Variants in ABCC5 observed in about 807,000 individuals in gnomAD.
The protein encoded by ABCC5 is ATP binding cassette subfamily C member 5.
Under a neutral mutation model 160.9 loss-of-function variants are expected in ABCC5, and 61 were observed. The ratio of observed to expected loss-of-function variants is 0.38; its 90% CI spans 0.31 to 0.47. The LOEUF is 0.47. Ranked by LOEUF, ABCC5 falls within the 20% of genes least tolerant of loss-of-function variation. The pLI is 0.99. For missense variants in ABCC5, 1,308 were observed against 1,813.3 expected (o/e 0.72, Z 5.06); for synonymous variants, 666 against 700.6 (o/e 0.95, Z 0.78).
intron 17 of ABCC5, among the ~76,000 whole-genome samples, chr3:183,956,429 C>A (rs1715972500): frequency 6.6e-6 from 1 of 151,516 alleles, no homozygotes; most frequent in Non-Finnish European, 1.5e-5. Context: ...ATATCGGTTA[C>A]ATGCAGATCC....
chr3:183,992,425 T>G (rs182521798), intron 2 of ABCC5, among the ~76,000 whole-genome samples: 1 of 152,282 alleles, frequency 6.6e-6, no homozygotes, highest in Non-Finnish European at 1.5e-5. Flanking sequence ...CAGAACATAT[T>G]CTGTGCTAAA....
intron 17 of ABCC5, among the ~76,000 whole-genome samples, chr3:183,957,110 C>A (rs1272348275): frequency 9.3e-6 from 1 of 107,104 alleles, no homozygotes; most frequent in Non-Finnish European, 2.0e-5. Context: ...ACATGCGGGT[C>A]CGTGTGTACA....
At chr3:183,969,202 G>A (rs920006677) in intron 11 of ABCC5, among the ~76,000 whole-genome samples, 47 of 152,186 alleles carry the variant, frequency 3.1e-4, no homozygotes, top group African/African-American at 1.1e-3. Flanking sequence ...GGAGAATTAA[G>A]GCATCTCTCT....
chr3:183,938,780 G>C, intron 25 of ABCC5, among the ~76,000 whole-genome samples: 1 of 152,218 alleles, frequency 6.6e-6, no homozygotes, highest in African/African-American at 2.4e-5. Context: ...AGGGCTGAGA[G>C]AGAGACTAAG....
intron 18 of ABCC5, among the ~76,000 whole-genome samples, chr3:183,952,438 C>T (rs1715461070): frequency 6.6e-6 from 1 of 152,154 alleles, no homozygotes; most frequent in African/African-American, 2.4e-5. Context: ...TGATCCACCA[C>T]ACCTAGCCCT....
intron 24 of ABCC5, among the ~76,000 whole-genome samples, chr3:183,943,539 A>G (rs1470705459): frequency 6.6e-6 from 1 of 152,214 alleles, no homozygotes; most frequent in Non-Finnish European, 1.5e-5. Context: ...ATGCTGTGAT[A>G]TAACTGCTTG....
intron 26 of ABCC5, among the ~76,000 whole-genome samples, chr3:183,933,970 C>A (rs1385852181): frequency 6.6e-6 from 1 of 152,120 alleles, no homozygotes. Context: ...CCTGCCTGTG[C>A]CTTGGGAAAC....
chr3:183,941,348 G>A (rs1283321416), intron 25 of ABCC5, among the ~76,000 whole-genome samples: 1 of 152,130 alleles, frequency 6.6e-6, no homozygotes, highest in African/African-American at 2.4e-5. Context: ...ACAGTAAAAA[G>A]GCTTGGGGAG....
chr3:183,993,787 C>T (rs1719993371), intron 2 of ABCC5, among the ~76,000 whole-genome samples: 3 of 152,170 alleles, frequency 2.0e-5, no homozygotes, highest in South Asian at 4.1e-4. Context: ...AATTCAGAGG[C>T]ATTAATTATA....
chr3:183,948,093 C>T (rs1368935248), intron 22 of ABCC5, among the ~76,000 whole-genome samples: 3 of 152,164 alleles, frequency 2.0e-5, no homozygotes, highest in Non-Finnish European at 4.4e-5. Flanking sequence ...GAGCATGGCA[C>T]GGCCATCAGT....
Position 183,961,523 on chromosome 3 carries a change from T to C in ABCC5, c.2367A>G (p.Thr789=). 2 of 1,614,162 alleles carry C rather than the reference T, an allele frequency of 1.2e-6. No homozygotes were observed. Among genetic ancestry groups the C allele is most frequent in the Non-Finnish European group, 1.7e-6 (2 of 1,180,026 alleles). ...TIFNNLLLGE[T]PPVEINSKKE... ...CATCAGATCTTACCTCAACTGGCGG[T>C]GTCTCTCCCAGCAACAGGTTATTAA... Residue 789 remains threonine (T), a synonymous_variant, in exon 16 of 30, where the codon ACA becomes ACG. Coordinates refer to ENST00000334444, the MANE Select transcript of ABCC5 (RefSeq NM_005688.4).
intron 22 of ABCC5, among the ~76,000 whole-genome samples, chr3:183,948,885 G>A (rs1465332367): frequency 6.6e-6 from 1 of 151,878 alleles, no homozygotes; most frequent in East Asian, 1.9e-4. Flanking sequence ...TGTAATTTTA[G>A]TAGAGACAAG....
At chr3:183,991,138 A>C (rs1006810989) in intron 2 of ABCC5, among the ~76,000 whole-genome samples, 20 of 152,026 alleles carry the variant, frequency 1.3e-4, no homozygotes, top group Admixed American at 1.2e-3. Context: ...CAAAAAGTAA[A>C]AAAAAAAAAT....
Position 183,951,788 on chromosome 3 carries a change from G to A in ABCC5, c.2814+69C>T. The A allele has an allele frequency of 6.3e-7, 1 of 1,575,614 alleles. No homozygotes were observed. The highest frequency in any genetic ancestry group is 8.6e-7 in the Non-Finnish European group (1 of 1,158,072). On this transcript the variant is annotated intron_variant, in intron 19 of 29. Coordinates refer to ENST00000334444, the MANE Select transcript of ABCC5 (RefSeq NM_005688.4). This position sits in a 1 kb window ranked among gnomAD's most constrained non-coding sequence, Gnocchi z 4.7. Reference sequence around the variant, plus strand: ...AGCTCCCCTACTCAGCATGAACTGAGAGACGCCACACCAAAGCCTGACCAC... The same window carrying A: ...AGCTCCCCTACTCAGCATGAACTGAAAGACGCCACACCAAAGCCTGACCAC...
chr3:183,978,464 T>G, intron 9 of ABCC5, 39 bp downstream of exon 9: 1 of 1,591,908 alleles, frequency 6.3e-7, no homozygotes, highest in African/African-American at 1.3e-5. Context: ...GCAAATGTGG[T>G]ATTTCTAAAA....
Position 183,921,147 on chromosome 3 carries a change from C to A in ABCC5, c.*153G>T. The A allele has an allele frequency of 1.9e-6, 1 of 516,942 alleles. No individual in the cohort carries two copies. The highest frequency in any genetic ancestry group is 3.5e-6 in the Non-Finnish European group (1 of 283,778). The allele number at this position is 516,942 out of a possible 1,614,324, so 32.0% of individuals were successfully genotyped here. On this transcript the variant is annotated 3_prime_UTR_variant, in exon 30 of 30. Transcript: ENST00000334444. This position sits in a 1 kb window ranked among gnomAD's most constrained non-coding sequence, Gnocchi z 4.1. ...TACAATAATCAAAATATGACTCTCC[C>A]TAAAAGTGAAACACACAAGCCAATC...
intron 26 of ABCC5, among the ~76,000 whole-genome samples, chr3:183,933,140 C>G (rs1713337287): frequency 6.9e-6 from 1 of 144,992 alleles, no homozygotes; most frequent in Admixed American, 7.2e-5. Context: ...TGCACTCCAA[C>G]CCAGGTGACA....
intron 5 of ABCC5, chr3:183,984,407 G>A: frequency 1.0e-6 from 1 of 994,256 alleles, no homozygotes; most frequent in Non-Finnish European, 1.2e-6. Context: ...AAAGGTGACT[G>A]CAGCTGTAAG....
intron 24 of ABCC5, among the ~76,000 whole-genome samples, chr3:183,944,331 G>C (rs1340153861): frequency 6.6e-6 from 1 of 151,894 alleles, no homozygotes; most frequent in Non-Finnish European, 1.5e-5. Flanking sequence ...GGAGATCGAG[G>C]CTGGACTGAG....
Sources: gnomAD v4.1 joint callset for allele counts (sites outside exome capture counted in the v4.1 genomes callset) on GRCh38, gnomAD v4.1.1 for gene constraint, Gnocchi (gnomAD v3.1) non-coding constraint, MANE v1.5 for transcripts, NCBI Gene and HGNC (gene_info 2026-07-23, HGNC 2026-07-21) for gene names.